The following GRIP1 variants were observed in gnomAD, a reference collection of about 807,000 sequenced individuals.
The protein encoded by GRIP1 is glutamate receptor interacting protein 1, also known as glutamate receptor-interacting protein 1.
In GRIP1, 45 loss-of-function variants were observed where a neutral mutation model predicts 129.9. The ratio of observed to expected loss-of-function variants is 0.35; its 90% confidence interval spans 0.27 to 0.44. The LOEUF is 0.44. Ranked by LOEUF, GRIP1 falls within the 20% of genes least tolerant of loss-of-function variation. GRIP1 has a pLI of 1.00. For synonymous variants in GRIP1, 530 were observed against 520.8 expected (o/e 1.02, Z -0.24); for missense variants, 1,196 against 1,396.8 (o/e 0.86, Z 2.29).
chr12:66,601,113 A>G (rs575588148), intron 1 of GRIP1, among the ~76,000 whole-genome samples: 2 of 152,332 alleles, frequency 1.3e-5, no homozygotes, highest in East Asian at 1.9e-4. Context: ...TTAGTCAAGC[A>G]TACACTTAAA....
intron 1 of GRIP1, among the ~76,000 whole-genome samples, chr12:66,817,432 G>T (rs993824493): frequency 6.6e-6 from 1 of 151,994 alleles, no homozygotes; most frequent in Non-Finnish European, 1.5e-5. Flanking sequence ...TTTTTGGGAT[G>T]GAGTCTTTCT....
At chr12:66,679,105 C>A (rs879147832), upstream of GRIP1, 3 of 1,471,830 alleles carry the variant, frequency 2.0e-6, no homozygotes, top group South Asian at 2.7e-5. Context: ...ACTACTACTA[C>A]CACCCCTGCC....
intron 1 of GRIP1, among the ~76,000 whole-genome samples, chr12:66,822,008 G>A: frequency 6.6e-6 from 1 of 151,884 alleles, no homozygotes; most frequent in African/African-American, 2.4e-5. Context: ...TCTTGTGTGT[G>A]TGTGTGTGTG....
chr12:66,365,541 C>T (rs906470020), intron 23 of GRIP1, among the ~76,000 whole-genome samples: 1 of 152,306 alleles, frequency 6.6e-6, no homozygotes, highest in South Asian at 2.1e-4. Context: ...TGAGGATGGT[C>T]AGGGCTGGAT....
intron 1 of GRIP1, among the ~76,000 whole-genome samples, chr12:66,865,894 C>A (rs1006367737): frequency 1.3e-5 from 2 of 152,120 alleles, no homozygotes; most frequent in Non-Finnish European, 2.9e-5. Context: ...CTAAAGTTAA[C>A]CTTTTCCTTC....
chr12:67,026,820 C>T (rs977498083), intron 1 of GRIP1, among the ~76,000 whole-genome samples: 1 of 152,156 alleles, frequency 6.6e-6, no homozygotes, highest in African/African-American at 2.4e-5. Context: ...TTTAAGAACC[C>T]ATCACAGAGC....
intron 1 of GRIP1, among the ~76,000 whole-genome samples, chr12:66,994,667 G>A (rs927591565): frequency 6.6e-6 from 1 of 151,904 alleles, no homozygotes; most frequent in Non-Finnish European, 1.5e-5. Context: ...TCTACATTCT[G>A]AATACTATAA....
intron 1 of GRIP1, among the ~76,000 whole-genome samples, chr12:66,985,513 G>C (rs1016922997): frequency 1.3e-5 from 2 of 151,882 alleles, no homozygotes; most frequent in African/African-American, 4.8e-5. Context: ...TTCTATCATA[G>C]AGCTCTAAGA....
Position 66,731,073 on chromosome 12 carries a change from T to A in GRIP1, c.-420+72980A>T, listed in dbSNP as rs945346643. 2.2e-4 allele frequency among the ~76,000 whole-genome samples: 34 copies of A among 152,248 alleles called. No individual in the cohort carries two copies. In the East Asian group the frequency reaches 6.4e-3, roughly 29 times the overall value. On this transcript the variant is annotated intron_variant, in intron 1 of 4. Coordinates refer to the GRIP1 transcript ENST00000538373. ...CTTTGGAGTCATACAGCCCATGAAG[T>A]TTTCTAGACACACACATTTATTCTT...
At chr12:67,044,730 C>T (rs1345432590) in intron 1 of GRIP1, among the ~76,000 whole-genome samples, 1 of 151,992 alleles carries the variant, frequency 6.6e-6, no homozygotes, top group Non-Finnish European at 1.5e-5. Flanking sequence ...CATTCTAATC[C>T]AGAGTCCTAT....
intron 1 of GRIP1, among the ~76,000 whole-genome samples, chr12:66,778,922 A>C (rs1262430574): frequency 6.6e-6 from 1 of 152,134 alleles, no homozygotes; most frequent in Non-Finnish European, 1.5e-5. Context: ...GTCTGAACTG[A>C]CCTCACCTCT....
chr12:66,959,483 G>A (rs1177753812), intron 1 of GRIP1, among the ~76,000 whole-genome samples: 1 of 152,098 alleles, frequency 6.6e-6, no homozygotes, highest in Non-Finnish European at 1.5e-5. Context: ...TGACATGTTT[G>A]TCAGGTTTAA....
intron 7 of GRIP1, among the ~76,000 whole-genome samples, chr12:66,465,835 T>C (rs985062817): frequency 1.3e-5 from 2 of 151,276 alleles, no homozygotes; most frequent in Non-Finnish European, 2.9e-5. Context: ...GATGGATGAA[T>C]GAATGGATGA....
At chr12:66,377,329 T>A (rs1592721879) in intron 20 of GRIP1, 44 bp from the exon 21 acceptor site, 8 of 69,604 alleles carry the variant, frequency 1.1e-4, no homozygotes, top group Non-Finnish European at 2.0e-4. Flanking sequence ...TTGCCAGACA[T>A]TTTTTTTTTT....
intron 1 of GRIP1, among the ~76,000 whole-genome samples, chr12:66,921,494 C>T (rs915476493): frequency 6.6e-6 from 1 of 152,172 alleles, no homozygotes; most frequent in East Asian, 1.9e-4. Context: ...GTGAATCCAC[C>T]TTCCCATTTC....
intron 1 of GRIP1, among the ~76,000 whole-genome samples, chr12:66,598,225 T>C (rs1283305142): frequency 6.6e-6 from 1 of 152,218 alleles, no homozygotes; most frequent in Admixed American, 6.5e-5. Flanking sequence ...GATGAACTTC[T>C]GGTTTGAAAT....
chr12:66,864,472 T>C (rs1275581243), intron 1 of GRIP1, among the ~76,000 whole-genome samples: 2 of 152,064 alleles, frequency 1.3e-5, no homozygotes, highest in African/African-American at 4.8e-5. Context: ...TCCCAACACT[T>C]CAGGAGGCTG....
chr12:67,068,395 G>A (rs2043668054), intron 1 of GRIP1, among the ~76,000 whole-genome samples: 1 of 152,130 alleles, frequency 6.6e-6, no homozygotes, highest in African/African-American at 2.4e-5. Context: ...ACTGACAGCG[G>A]GGACTGCGCT....
intron 13 of GRIP1, among the ~76,000 whole-genome samples, chr12:66,434,069 G>A (rs2058228874): frequency 6.6e-6 from 1 of 152,134 alleles, no homozygotes; most frequent in Admixed American, 6.5e-5. Context: ...CATCCTTTCT[G>A]AGGAAAAATT....
Sources: allele counts gnomAD v4.1 joint callset (sites outside exome capture counted in the v4.1 genomes callset), GRCh38; gene constraint gnomAD v4.1.1; transcripts MANE v1.5; gene names NCBI Gene and HGNC (gene_info 2026-07-23, HGNC 2026-07-21).